ZNF546: variants seen among roughly 807,000 people sequenced by gnomAD.
The protein encoded by ZNF546 is zinc finger protein 546.
A neutral mutation model predicts 76.2 loss-of-function variants in ZNF546; 60 were observed. The ratio of observed to expected loss-of-function variants is 0.79; its 90% CI spans 0.64 to 0.98. ZNF546 has a LOEUF of 0.98. Among genes scored for constraint, ZNF546 ranks in the 50% least tolerant of loss-of-function variants. The pLI is 0.00. For synonymous variants in ZNF546, 277 were observed against 328.1 expected (o/e 0.84, Z 1.68); for missense variants, 936 against 1,035.6 (o/e 0.90, Z 1.32).
Position 39,999,160 on chromosome 19 carries a change from A to T in ZNF546, c.84+750A>T, listed in dbSNP as rs540038095. Among the ~76,000 whole-genome samples, 7 of 152,348 alleles carry T rather than the reference A, an allele frequency of 4.6e-5. No individual in the cohort carries two copies. In the East Asian group the frequency reaches 9.6e-4, roughly 21 times the overall value. On this transcript the variant is annotated intron_variant, in intron 3 of 6. Transcript: ENST00000347077. Reference sequence around the variant, plus strand: ...TATATCTAAATTAACATTTCAACTGATTATTTGCTGGAGAAGTAGAGGAGA... The same window carrying T: ...TATATCTAAATTAACATTTCAACTGTTTATTTGCTGGAGAAGTAGAGGAGA...
Position 40,016,017 on chromosome 19 carries a change from A to G in ZNF546, c.*236A>G, listed in dbSNP as rs1052471784. ...AACCATCAAGGGCCTTTTCCCCTAC[A>G]AACTGTTGTTGAACAGTGCTTCTCT... On this transcript the variant is annotated 3_prime_UTR_variant, in exon 7 of 7. Transcript: ENST00000347077. The G allele has an allele frequency of 3.8e-6, 2 of 531,224 alleles. No homozygotes were observed. The highest frequency in any genetic ancestry group is 3.2e-5 in the Admixed American group (1 of 30,858). The allele number at this position is 531,224 out of a possible 1,614,324, so 32.9% of individuals were successfully genotyped here. A position where few individuals can be genotyped will look rare whatever the true frequency, so the allele number is the denominator to read the frequency against.
In ZNF546 at chr19:40,014,392, A is replaced by G. The variant is rs1235726852; in HGVS notation, c.1122A>G (p.Gln374=). The change falls in exon 7 of 7, where the codon CAA becomes CAG. Residue 374 remains glutamine, a synonymous_variant. Coordinates refer to ENST00000347077, the MANE Select transcript of ZNF546 (RefSeq NM_178544.5). ...TTAGGGTACAACGACATATTAGTCAACATCAGAAAATTCATACTGGTGTCA... is the reference window on the plus strand; with the variant it reads ...TTAGGGTACAACGACATATTAGTCAGCATCAGAAAATTCATACTGGTGTCA... The part of the protein sequence containing the change: ...KTFRVQRHIS[Q]HQKIHTGVKP... 16 of 1,614,120 alleles carry G rather than the reference A, an allele frequency of 9.9e-6. No individual in the cohort carries two copies. Among genetic ancestry groups the G allele is most frequent in the African/African-American group, 1.3e-5 (1 of 75,042 alleles).
intron 6 of ZNF546, among the ~76,000 whole-genome samples, chr19:40,012,737 G>A (rs1971688095): frequency 6.6e-6 from 1 of 152,002 alleles, no homozygotes; most frequent in Non-Finnish European, 1.5e-5. Flanking sequence ...AACAGTATAT[G>A]TAAGAAATTT....
At position 40,019,611 on chromosome 19, in the gene ZNF546, AT is replaced by A. The variant is rs1971828092; in HGVS notation, c.*3833del. The stretch of plus-strand genomic sequence containing the variant: ...ATTTCAAGGAGGAAGTAATATCAAA[AT>A]TTCACTAGCTCTTTCTACACTGATA... On this transcript the variant is annotated 3_prime_UTR_variant, in exon 7 of 7. Coordinates refer to ENST00000347077, the MANE Select transcript of ZNF546 (RefSeq NM_178544.5). 1 of 152,190 alleles carries A rather than the reference AT, an allele frequency of 6.6e-6. No individual in the cohort carries two copies. Among genetic ancestry groups the A allele is most frequent in the Non-Finnish European group, 1.5e-5 (1 of 68,018 alleles). The allele number at this position is 152,190 out of a possible 1,614,324, so 9.4% of individuals were successfully genotyped here.
intron 6 of ZNF546, among the ~76,000 whole-genome samples, chr19:40,009,081 G>C (rs1431728720): frequency 3.3e-5 from 5 of 152,182 alleles, no homozygotes; most frequent in Admixed American, 6.5e-5. Context: ...AAGTTAAGTA[G>C]AGTAAGGAGC....
At chr19:40,011,115 C>G (rs1599743186) in intron 6 of ZNF546, 1 of 152,154 alleles carries the variant, frequency 6.6e-6, no homozygotes, top group Non-Finnish European at 1.5e-5. Context: ...ATAGCATAAG[C>G]TCTTAATTTG....
chr19:40,004,304 G>A (rs906536437), intron 3 of ZNF546, among the ~76,000 whole-genome samples: 3 of 151,590 alleles, frequency 2.0e-5, no homozygotes, highest in Non-Finnish European at 4.4e-5. Flanking sequence ...TCTCACTCCC[G>A]TCGCACAGGC....
chr19:40,018,804 G>A lies in ZNF546; in HGVS notation c.*3023G>A, dbSNP rs967480849. On this transcript the variant is annotated 3_prime_UTR_variant, in exon 7 of 7. Transcript: ENST00000347077. ...AGCCGGGATCCAGCACCAAGTGTAT[G>A]AGGGTATGAGCCTTCAGATGATTCT... 18 of 152,280 alleles carry A rather than the reference G, an allele frequency of 1.2e-4. No individual in the cohort carries two copies. Among genetic ancestry groups the A allele is most frequent in the Non-Finnish European group, 1.3e-4 (9 of 68,060 alleles). The allele number at this position is 152,280 out of a possible 1,614,324, so 9.4% of individuals were successfully genotyped here. A position where few individuals can be genotyped will look rare whatever the true frequency, so the allele number is the denominator to read the frequency against.
chr19:40,014,496 G>A lies in ZNF546; in HGVS notation c.1226G>A (p.Gly409Asp), dbSNP rs748980351. 13 of 1,613,862 alleles carry A rather than the reference G, an allele frequency of 8.1e-6. No homozygotes were observed. Among genetic ancestry groups the A allele is most frequent in the Non-Finnish European group, 1.0e-5 (12 of 1,180,012 alleles). Residue 409 changes from glycine (G) to aspartate (D), a missense_variant, in exon 7 of 7, where the codon GGT (glycine) becomes GAT (aspartate). By Grantham distance (94) the Gly-to-Asp change is moderately conservative. Coordinates refer to ENST00000347077, the MANE Select transcript of ZNF546 (RefSeq NM_178544.5). ...GTTCAACATCAGAAAATTCATACTG[G>A]TGAAAAACCCTACGAATGTAAAGAA... ...YLVQHQKIHT[G>D]EKPYECKECG...
chr19:40,000,632 A>C (rs1044610386), intron 3 of ZNF546, among the ~76,000 whole-genome samples: 2 of 151,138 alleles, frequency 1.3e-5, no homozygotes, highest in African/African-American at 4.9e-5. Context: ...AAAAAAAAAA[A>C]AGAAAAAGAA....
At chr19:40,011,498 ACAGGCGTGAGC>A (rs1269664317) in intron 6 of ZNF546, 2 of 152,276 alleles carry the variant, frequency 1.3e-5, no homozygotes, top group Non-Finnish European at 2.9e-5. Context: ...TGCTGGGATT[ACAGGCGTGAGC>A]CACTGCCCCC....
At chr19:40,005,009 C>CTTTTTT (rs752081163) in intron 3 of ZNF546, among the ~76,000 whole-genome samples, 2 of 86,842 alleles carry the variant, frequency 2.3e-5, no homozygotes, top group Non-Finnish European at 2.1e-5. Context: ...CTGCATGCAT[C>CTTTTTT]TTTTTTTTTT....
chr19:40,014,498 G>A lies in ZNF546; in HGVS notation c.1228G>A (p.Glu410Lys). The change falls in exon 7 of 7, where the codon GAA becomes AAA. Residue 410 changes from glutamate to lysine, a missense_variant. Physicochemically the swap from Glu to Lys is moderately conservative, Grantham distance 56. Transcript: ENST00000347077. ...LVQHQKIHTGEKPYECKECGK... is the reference protein window; with the variant it reads ...LVQHQKIHTGKKPYECKECGK... ...TCAACATCAGAAAATTCATACTGGT[G>A]AAAAACCCTACGAATGTAAAGAATG... 1 of 1,614,014 alleles carries A rather than the reference G, an allele frequency of 6.2e-7. No individual in the cohort carries two copies. Among genetic ancestry groups the A allele is most frequent in the Non-Finnish European group, 8.5e-7 (1 of 1,179,992 alleles).
rs1971844374 is a variant in ZNF546, at chr19:40,020,736, G to A, written c.*4955G>A. 6.6e-6 allele frequency: 1 copy of A among 152,024 alleles called. No homozygotes were observed. The highest frequency in any genetic ancestry group is 2.4e-5 in the African/African-American group (1 of 41,396). The allele number at this position is 152,024 out of a possible 1,614,324, so 9.4% of individuals were successfully genotyped here. ...AGAATATCTAATATTTTGGATGTGA[G>A]CCCACACTGGAAATGCCATAACCAA... On this transcript the variant is annotated 3_prime_UTR_variant, in exon 7 of 7. Transcript: ENST00000347077.
intron 5 of ZNF546, 27 bp from the exon 6 acceptor site, chr19:40,008,443 A>G (rs372057575): frequency 1.0e-4 from 151 of 1,514,292 alleles, no homozygotes; most frequent in Non-Finnish European, 1.3e-4. Context: ...TTTCTATAAC[A>G]TGTGTCATTT....
Position 39,998,303 on chromosome 19 carries a change from T to C in ZNF546, c.-24T>C. 6.2e-7 allele frequency: 1 copy of C among 1,604,056 alleles called. No homozygotes were observed. Among genetic ancestry groups the C allele is most frequent in the Non-Finnish European group, 8.5e-7 (1 of 1,170,878 alleles). On this transcript the variant is annotated 5_prime_UTR_variant, in exon 3 of 7. Coordinates refer to ENST00000347077, the MANE Select transcript of ZNF546 (RefSeq NM_178544.5). ...ATTGTCCAGTGACCTATCCCAGGCC[T>C]TCCTTTCCAGTGAACAATGGACCAT...
chr19:40,003,616 T>A (rs1473812192), intron 3 of ZNF546, among the ~76,000 whole-genome samples: 1 of 152,174 alleles, frequency 6.6e-6, no homozygotes, highest in Non-Finnish European at 1.5e-5. Context: ...TTCATATGTA[T>A]AAGACATTGC....
In ZNF546 at chr19:40,015,717, G is replaced by A. The variant is rs751450536; in HGVS notation, c.2447G>A (p.Arg816His). ...QCKECGKAFI[R>H]SDQLTLHQRN... is the part of the protein sequence containing the mutation. ...AAAGAATGTGGAAAAGCCTTTATTC[G>A]TAGTGATCAACTTACTTTACATCAG... is the stretch of plus-strand genomic sequence containing the variant. Residue 816 changes from arginine (R) to histidine (H), a missense_variant, in exon 7 of 7, where the codon CGT (arginine) becomes CAT (histidine). Arg to His is a conservative substitution (Grantham distance 29). Coordinates refer to ENST00000347077, the MANE Select transcript of ZNF546 (RefSeq NM_178544.5). 1.2e-5 allele frequency: 20 copies of A among 1,613,820 alleles called. No individual in the cohort carries two copies. Among genetic ancestry groups the A allele is most frequent in the Middle Eastern group, 1.6e-4 (1 of 6,078 alleles).
intron 5 of ZNF546, among the ~76,000 whole-genome samples, chr19:40,007,964 A>C (rs753520504): frequency 2.0e-5 from 3 of 152,230 alleles, no homozygotes; most frequent in African/African-American, 4.8e-5. Context: ...ATTTTAGGAA[A>C]CTTAGTATAT....
Sources: allele counts gnomAD v4.1 joint callset (sites outside exome capture counted in the v4.1 genomes callset), GRCh38; gene constraint gnomAD v4.1.1; transcripts MANE v1.5; gene names NCBI Gene and HGNC (gene_info 2026-07-23, HGNC 2026-07-21).